The following KLF12 variants were observed in gnomAD, a reference collection of about 807,000 sequenced individuals.
KLF12 encodes Krueppel-like factor 12.
A neutral mutation model predicts 37.8 loss-of-function variants in KLF12; 9 were observed. The observed-to-expected ratio is 0.24, with a 90% confidence interval of 0.14 to 0.42. The LOEUF (loss-of-function observed/expected upper bound fraction) is 0.42. KLF12 is among the 10% of genes least tolerant of loss of function. KLF12 has a pLI of 1.00. For synonymous variants in KLF12, 208 were observed against 202.1 expected, an observed-to-expected ratio of 1.03 and a Z score of -0.25; for missense variants, 411 against 516.0, an observed-to-expected ratio of 0.80 and a Z score of 1.97.
At chr13:73,902,187 A>C (rs1473094168) in intron 3 of KLF12, among the ~76,000 whole-genome samples, 1 of 151,498 alleles carries the variant, frequency 6.6e-6, no homozygotes, top group Non-Finnish European at 1.5e-5. Context: ...ACGGTGTGTC[A>C]GAGATTAAGT....
intron 1 of KLF12, among the ~76,000 whole-genome samples, chr13:74,003,293 T>C (rs898081184): frequency 6.6e-6 from 1 of 152,300 alleles, no homozygotes; most frequent in Non-Finnish European, 1.5e-5. Context: ...AGAGATGGAC[T>C]GGGTAGTAGA....
At chr13:74,275,852 TTC>T in the KLF12 span, among the ~76,000 whole-genome samples, 1 of 118,424 alleles carries the variant, frequency 8.4e-6, no homozygotes, top group Non-Finnish European at 1.7e-5. Flanking sequence ...CTTTCTTTCT[TTC>T]TTTCTTTCTT....
chr13:73,932,387 A>AC (rs1889725931), intron 3 of KLF12, among the ~76,000 whole-genome samples: 3 of 152,228 alleles, frequency 2.0e-5, no homozygotes, highest in Admixed American at 1.3e-4. Context: ...ATCACCTAGT[A>AC]AGACATGAAA....
chr13:74,112,762 A>C (rs576864303), intron 1 of KLF12, among the ~76,000 whole-genome samples: 96 of 152,272 alleles, frequency 6.3e-4, no homozygotes, highest in African/African-American at 2.2e-3. Context: ...AAAGGCCTCT[A>C]AGTGTTCAAG....
At chr13:74,092,685 G>A (rs943291086) in intron 1 of KLF12, among the ~76,000 whole-genome samples, 7 of 151,634 alleles carry the variant, frequency 4.6e-5, no homozygotes, top group Admixed American at 1.3e-4. Flanking sequence ...CTATAAAATC[G>A]GAAAGAATAT....
intron 1 of KLF12, among the ~76,000 whole-genome samples, chr13:74,099,569 A>G (rs1479953047): frequency 6.6e-6 from 1 of 152,216 alleles, no homozygotes; most frequent in African/African-American, 2.4e-5. Context: ...AGACACATAC[A>G]TATAATCAAA....
At chr13:73,854,149 AT>A (rs1397532540) in intron 3 of KLF12, among the ~76,000 whole-genome samples, 1 of 152,232 alleles carries the variant, frequency 6.6e-6, no homozygotes, top group Non-Finnish European at 1.5e-5. Context: ...TAATGTTATT[AT>A]TCATTGCATG....
At chr13:74,018,884 T>C (rs1892768418) in intron 1 of KLF12, among the ~76,000 whole-genome samples, 1 of 152,212 alleles carries the variant, frequency 6.6e-6, no homozygotes, top group Non-Finnish European at 1.5e-5. Flanking sequence ...GGTATCATCC[T>C]AGCCTTATCA....
chr13:73,889,123 T>C (rs1887374099), intron 3 of KLF12, among the ~76,000 whole-genome samples: 1 of 152,204 alleles, frequency 6.6e-6, no homozygotes, highest in African/African-American at 2.4e-5. Flanking sequence ...GGAGTGTGTG[T>C]GCCTCTCTCC....
rs777091064 is a variant in KLF12 at position 74,096,003 on chromosome 13, C to A, written c.-32+37736G>T. ...GTAGTGGTCTCTCCACCTAGATCCC[C>A]ACCATTTTCCATCATTTCATAAGTT... On this transcript the variant is annotated intron_variant, in intron 1 of 7. Transcript: ENST00000377669. 9.9e-5 allele frequency among the ~76,000 whole-genome samples: 15 copies of A among 152,168 alleles called. No individual in the cohort carries two copies. The South Asian group carries it at 1.5e-3, about 15-fold the overall frequency.
Position 73,746,810 on chromosome 13 carries a change from C to CTTTTT in KLF12, c.869+18123_869+18127dup, listed in dbSNP as rs776746904. On this transcript the variant is annotated intron_variant, in intron 6 of 7. Coordinates refer to ENST00000377669, the MANE Select transcript of KLF12 (RefSeq NM_007249.5). ...TTAAAGCCATGCCCCTCCCTCCCTC[C>CTTTTT]TTTTTTTTTTTTTTTTTTTTGAGAT... Among the ~76,000 whole-genome samples the CTTTTT allele has an allele frequency of 8.8e-4, 105 of 119,822 alleles. 6 individuals carry two copies. The highest frequency in any genetic ancestry group is 1.1e-3 in the East Asian group (5 of 4,372). 78.6% of individuals were successfully genotyped at this position (119,822 alleles called of 152,430 possible). A position where few individuals can be genotyped will look rare whatever the true frequency, so the allele number is the denominator to read the frequency against.
At chr13:73,722,505 C>T (rs1876341009) in intron 6 of KLF12, among the ~76,000 whole-genome samples, 1 of 152,172 alleles carries the variant, frequency 6.6e-6, no homozygotes, top group African/African-American at 2.4e-5. Context: ...ACCAAATCCC[C>T]AGCAGCTACA....
At chr13:74,064,164 A>G (rs1873770260) in intron 1 of KLF12, among the ~76,000 whole-genome samples, 1 of 152,208 alleles carries the variant, frequency 6.6e-6, no homozygotes, top group Non-Finnish European at 1.5e-5. Flanking sequence ...GCATCTAAAT[A>G]CCACTGCCAT....
chr13:73,832,477 C>T (rs572890903), intron 4 of KLF12, among the ~76,000 whole-genome samples: 1 of 152,204 alleles, frequency 6.6e-6, no homozygotes, highest in East Asian at 1.9e-4. Context: ...AAGGCCACAC[C>T]GGAGATGATT....
chr13:73,764,984 C>G lies in KLF12; in HGVS notation c.823G>C (p.Val275Leu), dbSNP rs1221480689. The change falls in exon 6 of 8, where the codon GTA (valine) becomes CTA (leucine). Residue 275 changes from valine to leucine, a missense_variant. Val to Leu is a conservative substitution (Grantham distance 32). Coordinates refer to ENST00000377669, the MANE Select transcript of KLF12 (RefSeq NM_007249.5). ...ATTCGATTGCCCCGGACCCTTGATACTGGGGACGGATGTACCCTGTAGACA... is the reference window on the plus strand; with the variant it reads ...ATTCGATTGCCCCGGACCCTTGATAGTGGGGACGGATGTACCCTGTAGACA... The G allele has an allele frequency of 1.0e-5, 16 of 1,574,174 alleles. No individual in the cohort carries two copies. Among genetic ancestry groups the G allele is most frequent in the Non-Finnish European group, 1.3e-5 (15 of 1,144,278 alleles).
chr13:74,091,842 T>C, intron 1 of KLF12, among the ~76,000 whole-genome samples: 1 of 152,132 alleles, frequency 6.6e-6, no homozygotes, highest in East Asian at 1.9e-4. Flanking sequence ...TCAATGTAGA[T>C]TACTTAATTG....
intron 5 of KLF12, among the ~76,000 whole-genome samples, chr13:73,807,772 T>A (rs1487277252): frequency 2.0e-5 from 3 of 152,190 alleles, no homozygotes; most frequent in Non-Finnish European, 4.4e-5. Flanking sequence ...CTCCTTAGCA[T>A]CTTGTATCTT....
the KLF12 span, among the ~76,000 whole-genome samples, chr13:74,273,992 A>G: frequency 5.9e-5 from 9 of 152,192 alleles, no homozygotes; most frequent in African/African-American, 2.2e-4. Flanking sequence ...AATTAAAAAT[A>G]GAAGACTGGC....
chr13:73,712,656 A>C (rs1364132826), intron 7 of KLF12, among the ~76,000 whole-genome samples: 2 of 152,220 alleles, frequency 1.3e-5, no homozygotes, highest in Non-Finnish European at 2.9e-5. Context: ...CTATGAAATA[A>C]GAGTCCACTG....
Sources: gnomAD v4.1 joint callset for allele counts (sites outside exome capture counted in the v4.1 genomes callset) on GRCh38, gnomAD v4.1.1 for gene constraint, MANE v1.5 for transcripts, NCBI Gene and HGNC (gene_info 2026-07-23, HGNC 2026-07-21) for gene names.